The following PWWP2A variants were observed in gnomAD, a reference collection of about 807,000 sequenced individuals.
The protein encoded by PWWP2A is PWWP domain containing 2A.
A neutral mutation model predicts 48.5 loss-of-function variants in PWWP2A; 18 were observed. That is an observed-to-expected ratio of 0.37 (90% CI 0.26 to 0.55). The LOEUF (loss-of-function observed/expected upper bound fraction) is 0.55. Among genes scored for constraint, PWWP2A ranks in the 20% least tolerant of loss-of-function variants. The probability of loss-of-function intolerance (pLI) is 0.81; values close to 1 mark genes in which losing one functional copy is unlikely to be tolerated. For synonymous variants in PWWP2A, 396 were observed against 387.7 expected, an observed-to-expected ratio of 1.02 and a Z score of -0.25; for missense variants, 867 against 976.4, an observed-to-expected ratio of 0.89 and a Z score of 1.49.
At chr5:160,088,800 T>G (rs936175507), downstream of PWWP2A, among the ~76,000 whole-genome samples, 5 of 152,160 alleles carry the variant, frequency 3.3e-5, no homozygotes, top group African/African-American at 9.7e-5. Context: ...ATTAACAACT[T>G]AAAAGGGAAA....
At chr5:160,086,856 T>C (rs1246221773), downstream of PWWP2A, among the ~76,000 whole-genome samples, 6 of 152,268 alleles carry the variant, frequency 3.9e-5, no homozygotes, top group African/African-American at 1.4e-4. Flanking sequence ...TTCCAAGTTT[T>C]ACATACCATC....
chr5:160,082,383 GCA>G (rs1754303270), intron 2 of PWWP2A, among the ~76,000 whole-genome samples: 1 of 151,248 alleles, frequency 6.6e-6, no homozygotes, highest in South Asian at 2.1e-4. Context: ...GGCGGAGCTT[GCA>G]GTGAGCCGAG....
intron 2 of PWWP2A, among the ~76,000 whole-genome samples, chr5:160,083,435 C>T (rs1365332932): frequency 2.0e-5 from 3 of 152,192 alleles, no homozygotes; most frequent in East Asian, 1.9e-4. Context: ...CTCAATCATA[C>T]GAGCAGCAAT....
chr5:160,095,771 T>G (rs1184982579), intron 1 of PWWP2A, among the ~76,000 whole-genome samples: 3 of 148,720 alleles, frequency 2.0e-5, no homozygotes, highest in Non-Finnish European at 4.4e-5. Flanking sequence ...CACAGCTCAC[T>G]GCAGCCTCGA....
intron 1 of PWWP2A, among the ~76,000 whole-genome samples, chr5:160,109,104 C>A (rs890059598): frequency 1.3e-5 from 2 of 152,162 alleles, no homozygotes; most frequent in African/African-American, 4.8e-5. Flanking sequence ...GTGCCTCAGC[C>A]TCCTGAACAG....
chr5:160,073,079 G>GT (rs1348444253), downstream of PWWP2A, among the ~76,000 whole-genome samples: 1 of 150,688 alleles, frequency 6.6e-6, no homozygotes, highest in Non-Finnish European at 1.5e-5. Context: ...AGTAGGAACT[G>GT]AAGAGCTTGG....
At chr5:160,111,453 C>T (rs745978792) in intron 1 of PWWP2A, among the ~76,000 whole-genome samples, 21 of 152,020 alleles carry the variant, frequency 1.4e-4, no homozygotes, top group Non-Finnish European at 3.1e-4. Context: ...CAGGCGTGAG[C>T]CACCGCGCCT....
rs528518776 is a variant in PWWP2A at position 160,102,604 on chromosome 5, G to T, written c.585-8539C>A. Among the ~76,000 whole-genome samples the T allele has an allele frequency of 1.4e-4, 21 of 151,774 alleles. No homozygotes were observed. The South Asian group carries it at 2.9e-3, about 21-fold the overall frequency. Reference sequence around the variant, plus strand: ...ATGTATATCTAGCTAAATATAGAGGGGAAAGTTTTATGAGAAGCAGTACAT... The same window carrying T: ...ATGTATATCTAGCTAAATATAGAGGTGAAAGTTTTATGAGAAGCAGTACAT... On this transcript the variant is annotated intron_variant, in intron 1 of 1. Transcript: ENST00000307063.
the PWWP2A span, among the ~76,000 whole-genome samples, chr5:160,048,225 G>T: frequency 2.4e-5 from 3 of 127,000 alleles, no homozygotes; most frequent in African/African-American, 3.0e-5. Context: ...GCCACTCACT[G>T]CACGCAACCT....
intron 1 of PWWP2A, 50 bp from the exon 2 acceptor site, chr5:160,094,115 A>C: frequency 6.7e-7 from 1 of 1,487,972 alleles, no homozygotes; most frequent in South Asian, 1.4e-5. Context: ...AACATCTATA[A>C]TTCAATTTCT....
the PWWP2A span, among the ~76,000 whole-genome samples, chr5:160,053,969 A>G: frequency 2.4e-4 from 36 of 152,314 alleles, 1 homozygote; most frequent in South Asian, 6.8e-3. Context: ...CAGGGTGGCC[A>G]TTAGTCCTAG....
At chr5:160,066,299 T>TTTTTTTTTTTC (rs2113435083) in intron 4 of PWWP2A, among the ~76,000 whole-genome samples, 1 of 135,868 alleles carries the variant, frequency 7.4e-6, no homozygotes, top group Non-Finnish European at 1.6e-5. Context: ...GGTTCTCATT[T>TTTTTTTTTTTC]TTTTTTTTTT....
chr5:160,079,997 A>G (rs1322444712), intron 3 of PWWP2A, among the ~76,000 whole-genome samples: 1 of 152,236 alleles, frequency 6.6e-6, no homozygotes, highest in Non-Finnish European at 1.5e-5. Context: ...AAAGCAGTGC[A>G]AACACACAGA....
chr5:160,063,254 T>A (rs1294605487), intron 5 of PWWP2A, among the ~76,000 whole-genome samples: 1 of 152,144 alleles, frequency 6.6e-6, no homozygotes, highest in Non-Finnish European at 1.5e-5. Flanking sequence ...TTTGCTCTGT[T>A]ACCCAGGCTG....
the PWWP2A span, among the ~76,000 whole-genome samples, chr5:160,052,016 A>G: frequency 6.6e-6 from 1 of 152,238 alleles, no homozygotes; most frequent in Non-Finnish European, 1.5e-5. Context: ...ATGGGAACAA[A>G]TTTCCCAAAG....
the PWWP2A span, among the ~76,000 whole-genome samples, chr5:160,052,548 CAAAAAA>C: frequency 0.1 from 6,904 of 68,016 alleles, 231 homozygotes; most frequent in Middle Eastern, 0.2. Flanking sequence ...TCTATTTTAG[CAAAAAA>C]AAAAAAAAAA....
chr5:160,064,905 A>G (rs1753553943), intron 4 of PWWP2A: 1 of 1,603,060 alleles, frequency 6.2e-7, no homozygotes, highest in South Asian at 1.1e-5. Flanking sequence ...TCCTGTATTC[A>G]TTTGAGTTTT....
At chr5:160,069,486 G>T (rs1561646196) in intron 2 of PWWP2A, among the ~76,000 whole-genome samples, 1 of 152,276 alleles carries the variant, frequency 6.6e-6, no homozygotes, top group South Asian at 2.1e-4. Flanking sequence ...ATTTCGTTAA[G>T]TGTGTAGTTC....
At chr5:160,116,208 C>A (rs1758121984) in intron 1 of PWWP2A, among the ~76,000 whole-genome samples, 1 of 152,154 alleles carries the variant, frequency 6.6e-6, no homozygotes. Flanking sequence ...GCACAAGCCA[C>A]CACGCCCAGC....
Sources: gnomAD v4.1 joint callset for allele counts (sites outside exome capture counted in the v4.1 genomes callset) on GRCh38, gnomAD v4.1.1 for gene constraint, MANE v1.5 for transcripts, NCBI Gene and HGNC (gene_info 2026-07-23, HGNC 2026-07-21) for gene names.